RAD9B: variants seen among roughly 807,000 people sequenced by gnomAD.
The protein encoded by RAD9B is RAD9 checkpoint clamp component B.
RAD9B carries 41 observed loss-of-function variants against 48.3 expected under a neutral mutation model. The observed-to-expected ratio is 0.85, with a 90% CI of 0.66 to 1.10. RAD9B has a LOEUF of 1.10. Among genes scored for constraint, RAD9B ranks in the 50% least tolerant of loss-of-function variants. RAD9B has a pLI of 0.00. For missense variants in RAD9B, 444 were observed against 485.1 expected, an observed-to-expected ratio of 0.92 and a Z score of 0.80; for synonymous variants, 160 against 157.9, an observed-to-expected ratio of 1.01 and a Z score of -0.10.
At chr12:110,515,764 A>G (rs139720157) in intron 6 of RAD9B, among the ~76,000 whole-genome samples, 81 of 152,312 alleles carry the variant, frequency 5.3e-4, no homozygotes, top group African/African-American at 1.7e-3. Flanking sequence ...TAAGGAGAGG[A>G]TACAAAGGAA....
rs570527179 is a variant in RAD9B at position 110,530,441 on chromosome 12, TTC to T, written c.1126-82_1126-81del. The T allele has an allele frequency of 1.1e-5, 14 of 1,276,796 alleles. No homozygotes were observed. In the South Asian group the frequency reaches 1.6e-4, roughly 15 times the overall value. 79.1% of individuals were successfully genotyped at this position (1,276,796 alleles called of 1,614,324 possible). ...GACAGGGATATAATACTGGTCAGGT[TTC>T]TGAGGAGGGCTGTCACCTGGAGCAT... is the stretch of plus-strand genomic sequence containing the variant. On this transcript the variant is annotated intron_variant, in intron 10 of 10. Coordinates refer to ENST00000409300, the MANE Select transcript of RAD9B (RefSeq NM_001286535.2).
rs1412019471 is a variant in RAD9B at position 110,532,487 on chromosome 12, G to C, written c.*1834G>C. On this transcript the variant is annotated 3_prime_UTR_variant, in exon 11 of 11. Transcript: ENST00000409300. ...TTGGGAGGCCCAGGTGGGCGGATCA[G>C]TTGAGCCCAGCAGTTCAAGACTAGC... Among the ~76,000 whole-genome samples, 4 of 152,186 alleles carry C rather than the reference G, an allele frequency of 2.6e-5. No individual in the cohort carries two copies. Among genetic ancestry groups the C allele is most frequent in the Non-Finnish European group, 5.9e-5 (4 of 68,038 alleles).
chr12:110,518,108 G>T (rs1312334076), intron 6 of RAD9B, among the ~76,000 whole-genome samples: 1 of 151,986 alleles, frequency 6.6e-6, no homozygotes, highest in East Asian at 1.9e-4. Flanking sequence ...AGAGAATGGC[G>T]TGAACCCGGG....
intron 2 of RAD9B, 131 bp from the exon 3 acceptor site, chr12:110,505,486 G>A: frequency 1.5e-5 from 9 of 604,436 alleles, no homozygotes; most frequent in Non-Finnish European, 1.8e-5. Context: ...TTGCTCTGTT[G>A]GCCAGGCTGG....
intron 9 of RAD9B, among the ~76,000 whole-genome samples, chr12:110,521,353 A>G (rs911419829): frequency 1.3e-5 from 2 of 151,434 alleles, no homozygotes; most frequent in African/African-American, 2.4e-5. Flanking sequence ...GGGTTTTACC[A>G]TGTTGCCCAG....
chr12:110,528,854 A>G (rs1206582556), intron 10 of RAD9B, among the ~76,000 whole-genome samples: 3 of 152,148 alleles, frequency 2.0e-5, no homozygotes, highest in South Asian at 2.1e-4. Context: ...CAGACTCCCA[A>G]GTAGCTGGGA....
Position 110,531,585 on chromosome 12 carries a change from AAAG to A in RAD9B, c.*935_*937del. The A allele has an allele frequency of 6.3e-7, 1 of 1,599,014 alleles. No individual in the cohort carries two copies. Among genetic ancestry groups the A allele is most frequent in the South Asian group, 1.1e-5 (1 of 90,576 alleles). On this transcript the variant is annotated 3_prime_UTR_variant, in exon 11 of 11. Transcript: ENST00000409300. ...TTTTTATTTTGCAGTGTGCTGCAGG[AAAG>A]AATTTAATGGAAGTGATGCCAAATA... is the stretch of plus-strand genomic sequence containing the variant.
intron 10 of RAD9B, among the ~76,000 whole-genome samples, chr12:110,525,034 T>C (rs2063893396): frequency 6.6e-6 from 1 of 152,192 alleles, no homozygotes; most frequent in Admixed American, 6.6e-5. Flanking sequence ...TCGCCCAGGC[T>C]AGATTGCAGT....
chr12:110,521,343 G>A (rs2063778244), intron 9 of RAD9B, among the ~76,000 whole-genome samples: 1 of 151,704 alleles, frequency 6.6e-6, no homozygotes, highest in Non-Finnish European at 1.5e-5. Flanking sequence ...TGTAGAGATC[G>A]GGTTTTACCA....
In RAD9B at chr12:110,532,013, A is replaced by T. The variant is rs940916160; in HGVS notation, c.*1360A>T. ...TAGAGTTCTAACTGAAACCAGAATT[A>T]ATTTGGCTCTTGTAGCTTAGTAATG... On this transcript the variant is annotated 3_prime_UTR_variant, in exon 11 of 11. Coordinates refer to ENST00000409300, the MANE Select transcript of RAD9B (RefSeq NM_001286535.2). 1.2e-5 allele frequency: 2 copies of T among 173,646 alleles called. No homozygotes were observed. The highest frequency in any genetic ancestry group is 2.4e-5 in the Non-Finnish European group (2 of 82,828). 10.8% of individuals were successfully genotyped at this position (173,646 alleles called of 1,614,324 possible). A position where few individuals can be genotyped will look rare whatever the true frequency, so the allele number is the denominator to read the frequency against.
intron 5 of RAD9B, among the ~76,000 whole-genome samples, chr12:110,513,692 ATAT>A (rs147828355): frequency 0.17 from 23,338 of 140,234 alleles, 2,090 homozygotes; most frequent in Admixed American, 0.26. Context: ...TATTGTTTTT[ATAT>A]TATTATTATT....
At chr12:110,526,989 A>C (rs2063966533) in intron 10 of RAD9B, among the ~76,000 whole-genome samples, 1 of 152,142 alleles carries the variant, frequency 6.6e-6, no homozygotes, top group Admixed American at 6.5e-5. Flanking sequence ...ACCCTTTAAC[A>C]AATTGCCACA....
chr12:110,503,665 TTAAAG>T, intron 1 of RAD9B, 136 bp from the exon 2 acceptor site: 5 of 661,476 alleles, frequency 7.6e-6, no homozygotes, highest in Middle Eastern at 7.7e-4. Context: ...TTATACTGTA[TTAAAG>T]TAATGTAGCA....
rs1371357781 is a variant in RAD9B, at chr12:110,508,049, CATT to C, written c.388+1360_388+1362del. The C allele has an allele frequency of 2.4e-5, 4 of 168,948 alleles. No individual in the cohort carries two copies. In the Admixed American group the frequency reaches 2.6e-4, roughly 11 times the overall value. 10.5% of individuals were successfully genotyped at this position (168,948 alleles called of 1,614,324 possible). The stretch of plus-strand genomic sequence containing the variant: ...TTCCTATAAAATACTAATAATTTAA[CATT>C]ATTTTTTCCTTCTTTGAACTTCAGT... On this transcript the variant is annotated intron_variant, in intron 4 of 10. Coordinates refer to ENST00000409300, the MANE Select transcript of RAD9B (RefSeq NM_001286535.2).
chr12:110,523,923 A>G (rs1159193922), intron 10 of RAD9B, among the ~76,000 whole-genome samples: 1 of 152,186 alleles, frequency 6.6e-6, no homozygotes, highest in African/African-American at 2.4e-5. Context: ...TTATGGGTAA[A>G]TGATGTAGAC....
At position 110,518,916 on chromosome 12, in the gene RAD9B, A is replaced by T; in HGVS notation, c.745A>T (p.Ile249Phe). The part of the protein sequence containing the change: ...FSEATHAPIS[I>F]YFDFPGKPLA... Reference sequence around the variant, plus strand: ...AGAAGCTACACATGCTCCTATATCCATTTATTTTGATTTCCCTGGGAAGTA... The same window carrying T: ...AGAAGCTACACATGCTCCTATATCCTTTTATTTTGATTTCCCTGGGAAGTA... Residue 249 changes from isoleucine to phenylalanine, a missense_variant, in exon 8 of 11, where the codon ATT becomes TTT. Coordinates refer to ENST00000409300, the MANE Select transcript of RAD9B (RefSeq NM_001286535.2). 1 of 1,567,850 alleles carries T rather than the reference A, an allele frequency of 6.4e-7. No individual in the cohort carries two copies. The highest frequency in any genetic ancestry group is 1.2e-5 in the South Asian group (1 of 83,348).
At chr12:110,518,380 A>T (rs2063673815) in intron 6 of RAD9B, among the ~76,000 whole-genome samples, 1 of 152,178 alleles carries the variant, frequency 6.6e-6, no homozygotes, top group African/African-American at 2.4e-5. Context: ...AGAAAACAAA[A>T]AATTTATTAA....
chr12:110,519,948 G>A (rs1237595404), intron 9 of RAD9B, 32 bp downstream of exon 9: 1 of 1,595,450 alleles, frequency 6.3e-7, no homozygotes, highest in Admixed American at 1.8e-5. Context: ...TTTATTACTT[G>A]GGACAAGCCA....
At chr12:110,503,667 A>T (rs2063168609) in intron 1 of RAD9B, 139 bp from the exon 2 acceptor site, 2 of 664,196 alleles carry the variant, frequency 3.0e-6, no homozygotes, top group Non-Finnish European at 5.4e-6. Context: ...ATACTGTATT[A>T]AAGTAATGTA....
Sources: allele counts gnomAD v4.1 joint callset (sites outside exome capture counted in the v4.1 genomes callset), GRCh38; gene constraint gnomAD v4.1.1; transcripts MANE v1.5; gene names NCBI Gene and HGNC (gene_info 2026-07-23, HGNC 2026-07-21).